MEGF9: variants seen among roughly 807,000 people sequenced by gnomAD.
The protein encoded by MEGF9 is multiple epidermal growth factor-like domains protein 9.
A neutral mutation model predicts 46.8 loss-of-function variants in MEGF9; 6 were observed. The observed-to-expected ratio is 0.13, with a 90% confidence interval of 0.07 to 0.25. The LOEUF (loss-of-function observed/expected upper bound fraction) is 0.25. Among genes scored for constraint, MEGF9 ranks in the 10% least tolerant of loss-of-function variants. MEGF9 has a pLI of 1.00. For synonymous variants in MEGF9, 302 were observed against 330.7 expected, an observed-to-expected ratio of 0.91 and a Z score of 0.94; for missense variants, 683 against 792.4, an observed-to-expected ratio of 0.86 and a Z score of 1.66.
intron 4 of MEGF9, among the ~76,000 whole-genome samples, chr9:120,609,490 T>G (rs1189031536): frequency 6.6e-6 from 1 of 152,206 alleles, no homozygotes; most frequent in Non-Finnish European, 1.5e-5. Context: ...CATTAAACTA[T>G]GAGCTATTTG....
Position 120,714,309 on chromosome 9 carries a change from C to T in MEGF9, c.50G>A (p.Gly17Asp), listed in dbSNP as rs2043968834. Residue 17 changes from glycine (G) to aspartate (D), a missense_variant, in exon 1 of 6, where the codon GGC (glycine) becomes GAC (aspartate). Transcript: ENST00000373930. ...GGCGGCGCAGCACAACAGGGCGAGG[C>T]CGCCCAGGCTCGGCAGGCTCCTCAT... ...RAMRSLPSLGGLALLCCAAAA... is the reference protein window; with the variant it reads ...RAMRSLPSLGDLALLCCAAAA... 4 of 1,336,668 alleles carry T rather than the reference C, an allele frequency of 3.0e-6. No individual in the cohort carries two copies. Among genetic ancestry groups the T allele is most frequent in the Non-Finnish European group, 3.8e-6 (4 of 1,042,956 alleles). The allele number at this position is 1,336,668 out of a possible 1,614,324, so 82.8% of individuals were successfully genotyped here.
rs1208368676 is a variant in MEGF9, at chr9:120,713,777, G to C, written c.582C>G (p.Ala194=). 3 of 1,293,944 alleles carry C rather than the reference G, an allele frequency of 2.3e-6. No individual in the cohort carries two copies. Among genetic ancestry groups the C allele is most frequent in the Non-Finnish European group, 2.9e-6 (3 of 1,020,696 alleles). The allele number at this position is 1,293,944 out of a possible 1,614,324, so 80.2% of individuals were successfully genotyped here. A position where few individuals can be genotyped will look rare whatever the true frequency, so the allele number is the denominator to read the frequency against. The change falls in exon 1 of 6, where the codon GCC becomes GCG. Residue 194 remains alanine (A), a synonymous_variant. Transcript: ENST00000373930. ...SVLPTPPATE[A]PSSPPPEYVC... ...ACTCACCTGGAGGAGGCGAAGAGGG[G>C]GCCTCGGTGGCAGGTGGGGTGGGGA...
At chr9:120,681,500 G>A (rs1482314046) in intron 1 of MEGF9, among the ~76,000 whole-genome samples, 1 of 152,044 alleles carries the variant, frequency 6.6e-6, no homozygotes, top group Non-Finnish European at 1.5e-5. Flanking sequence ...GGGGTTGGGG[G>A]AGGGATGGCA....
At chr9:120,626,682 A>C (rs1350369054) in intron 2 of MEGF9, among the ~76,000 whole-genome samples, 3 of 152,210 alleles carry the variant, frequency 2.0e-5, no homozygotes, top group African/African-American at 7.2e-5. Context: ...GATGGGTATA[A>C]TACAGGAAAG....
chr9:120,686,569 G>GTATGCTA (rs2043823785), intron 1 of MEGF9, among the ~76,000 whole-genome samples: 1 of 152,202 alleles, frequency 6.6e-6, no homozygotes, highest in African/African-American at 2.4e-5. Flanking sequence ...ACAGTATGCT[G>GTATGCTA]GTAGGCATTC....
intron 1 of MEGF9, chr9:120,691,321 G>A (rs2043847008): frequency 3.0e-6 from 1 of 329,482 alleles, no homozygotes; most frequent in South Asian, 2.4e-5. Flanking sequence ...AGGTGGGTGA[G>A]AGATATGAGA....
At chr9:120,671,204 A>G (rs1411896260) in intron 1 of MEGF9, among the ~76,000 whole-genome samples, 1 of 152,204 alleles carries the variant, frequency 6.6e-6, no homozygotes, top group East Asian at 1.9e-4. Flanking sequence ...ACTATGATCA[A>G]GTCCTCTCCT....
In MEGF9 at chr9:120,714,144, G is replaced by A. The variant is rs548600425; in HGVS notation, c.215C>T (p.Ala72Val). The change falls in exon 1 of 6, where the codon GCT becomes GTT. Residue 72 changes from alanine to valine, a missense_variant. This residue lies in a region of MEGF9 where 370 missense variants were observed against 371.3 expected (regional missense o/e 1.00). Transcript: ENST00000373930. The stretch of plus-strand genomic sequence containing the variant: ...GGTCCTCGGGGCCTGGGCCGTGGGA[G>A]CCGTCGCCCTAGGGAAGGGGTGGCT... ...EPSHPFPRAT[A>V]PTAQAPRTGP... The A allele has an allele frequency of 5.1e-5, 63 of 1,236,008 alleles. No homozygotes were observed. The African/African-American group carries it at 8.4e-4, about 16-fold the overall frequency. 76.6% of individuals were successfully genotyped at this position (1,236,008 alleles called of 1,614,324 possible).
At chr9:120,688,688 A>G (rs1158516) in intron 1 of MEGF9, among the ~76,000 whole-genome samples, 2,435 of 152,258 alleles carry the variant, frequency 0.016, 59 homozygotes, top group African/African-American at 0.055. Flanking sequence ...GAGAGTAACT[A>G]CATGTGTGTT....
At chr9:120,690,061 C>T (rs2043841664) in intron 1 of MEGF9, 1 of 478,830 alleles carries the variant, frequency 2.1e-6, no homozygotes, top group African/African-American at 2.0e-5. Context: ...AGATATTTTC[C>T]AAAGAAGGAG....
intron 2 of MEGF9, among the ~76,000 whole-genome samples, chr9:120,649,366 A>C (rs984823787): frequency 7.2e-5 from 11 of 152,172 alleles, no homozygotes; most frequent in Non-Finnish European, 4.4e-5. Context: ...TGGAGTTTGC[A>C]TGTTCTCCCC....
At chr9:120,636,489 T>G in intron 2 of MEGF9, among the ~76,000 whole-genome samples, 1 of 152,172 alleles carries the variant, frequency 6.6e-6, no homozygotes, top group Admixed American at 6.5e-5. Flanking sequence ...ACTGCTTAAG[T>G]GCAAAAATAT....
At chr9:120,681,016 A>G (rs2043796643) in intron 1 of MEGF9, among the ~76,000 whole-genome samples, 1 of 152,132 alleles carries the variant, frequency 6.6e-6, no homozygotes, top group Non-Finnish European at 1.5e-5. Context: ...GAGCCCATTT[A>G]TTGCTCTATC....
chr9:120,664,778 A>C (rs1378321449), intron 1 of MEGF9, among the ~76,000 whole-genome samples: 1 of 152,206 alleles, frequency 6.6e-6, no homozygotes, highest in Non-Finnish European at 1.5e-5. Context: ...TCAGGAAGAC[A>C]GCCTGAAATT....
chr9:120,615,808 C>G (rs887189721), intron 3 of MEGF9, among the ~76,000 whole-genome samples: 4 of 151,810 alleles, frequency 2.6e-5, no homozygotes, highest in Non-Finnish European at 4.4e-5. Context: ...GTGGGAGGAT[C>G]GCTTGAGTCT....
chr9:120,711,190 T>C (rs2043951317), intron 1 of MEGF9, among the ~76,000 whole-genome samples: 1 of 152,242 alleles, frequency 6.6e-6, no homozygotes, highest in Admixed American at 6.5e-5. Flanking sequence ...TACTCTGTGC[T>C]GCTTCCTCTC....
intron 1 of MEGF9, among the ~76,000 whole-genome samples, chr9:120,663,771 T>C (rs557840228): frequency 6.6e-6 from 1 of 152,196 alleles, no homozygotes; most frequent in Non-Finnish European, 1.5e-5. Flanking sequence ...GAGTAGCAGG[T>C]TTCCTTTCAG....
At chr9:120,705,459 C>G (rs1281411599) in intron 1 of MEGF9, among the ~76,000 whole-genome samples, 1 of 145,822 alleles carries the variant, frequency 6.9e-6, no homozygotes, top group Non-Finnish European at 1.5e-5. Flanking sequence ...ATGGTTGGGG[C>G]TAAAAATAAA....
At chr9:120,710,424 TAA>T (rs61674473) in intron 1 of MEGF9, among the ~76,000 whole-genome samples, 8 of 99,978 alleles carry the variant, frequency 8.0e-5, no homozygotes, top group Admixed American at 1.2e-4. Flanking sequence ...AACTCCGTCT[TAA>T]AAAAAAAAAA....
Sources: gnomAD v4.1 joint callset for allele counts (sites outside exome capture counted in the v4.1 genomes callset) on GRCh38, gnomAD v4.1.1 for gene constraint, gnomAD v4.1.1 regional missense constraint, MANE v1.5 for transcripts, NCBI Gene and HGNC (gene_info 2026-07-23, HGNC 2026-07-21) for gene names.